MKKS: variants seen among roughly 807,000 people sequenced by gnomAD.
The protein encoded by MKKS is molecular chaperone MKKS.
A neutral mutation model predicts 33.2 loss-of-function variants in MKKS; 29 were observed. The ratio of observed to expected loss-of-function variants is 0.87; its 90% CI spans 0.65 to 1.19. MKKS has a LOEUF of 1.19. Ranked by LOEUF, MKKS falls within the 50% of genes most tolerant of loss-of-function variation. MKKS has a pLI of 0.00. For synonymous variants in MKKS, 260 were observed against 244.0 expected (o/e 1.07, Z -0.61); for missense variants, 661 against 662.3 (o/e 1.00, Z 0.02).
At chr20:10,408,922 T>C (rs935854301) in intron 3 of MKKS, 119 bp from the exon 4 acceptor site, 2 of 718,594 alleles carry the variant, frequency 2.8e-6, no homozygotes, top group African/African-American at 1.8e-5. Context: ...ATTTAAAATA[T>C]GAAATACAGG....
Position 10,424,326 on chromosome 20 carries a change from CA to C in MKKS, c.-648-3569del, listed in dbSNP as rs766630143. 2.0e-5 allele frequency among the ~76,000 whole-genome samples: 3 copies of C among 151,990 alleles called. No homozygotes were observed. In the East Asian group the frequency reaches 5.8e-4, roughly 29 times the overall value. ...ACCCCAGCACTCTAGGAGGCTCAGG[CA>C]GGGGGACTGCTTGAGCCCATGAGTT... On this transcript the variant is annotated intron_variant, in intron 1 of 5. Transcript: ENST00000347364.
intron 1 of MKKS, among the ~76,000 whole-genome samples, chr20:10,423,425 A>C (rs966612353): frequency 6.6e-6 from 1 of 152,174 alleles, no homozygotes; most frequent in East Asian, 1.9e-4. Context: ...GTTTCAAAAA[A>C]ACAAACCAAA....
intron 1 of MKKS, among the ~76,000 whole-genome samples, chr20:10,422,536 A>T (rs191408728): frequency 1.3e-3 from 197 of 152,220 alleles, no homozygotes; most frequent in Admixed American, 2.4e-3. Context: ...TACTTATAGG[A>T]GGGACAGAGG....
rs1568666301 is a variant in MKKS, at chr20:10,412,869, G to C, written c.646C>G (p.Pro216Ala). The C allele has an allele frequency of 2.5e-6, 4 of 1,614,098 alleles. No individual in the cohort carries two copies. The highest frequency in any genetic ancestry group is 3.4e-6 in the Non-Finnish European group (4 of 1,179,984). Residue 216 changes from proline (P) to alanine (A), a missense_variant, in exon 3 of 6, where the codon CCT (proline) becomes GCT (alanine). Physicochemically the swap from Pro to Ala is conservative, Grantham distance 27. Coordinates refer to ENST00000347364, the MANE Select transcript of MKKS (RefSeq NM_170784.3). ...TCTGACATTTCAATGAGTATCCCAGGTAATACAGTGGAATCTATAACTCTT... is the reference window on the plus strand; with the variant it reads ...TCTGACATTTCAATGAGTATCCCAGCTAATACAGTGGAATCTATAACTCTT... ...GQRVIDSTVL[P>A]GILIEMSEVQ...
Position 10,405,397 on chromosome 20 carries a change from C to A in MKKS, c.1563G>T (p.Val521=). 6.2e-7 allele frequency: 1 copy of A among 1,614,172 alleles called. No homozygotes were observed. Among genetic ancestry groups the A allele is most frequent in the Non-Finnish European group, 8.5e-7 (1 of 1,180,032 alleles). The stretch of plus-strand genomic sequence containing the variant: ...CTTCATGTGGAAGGCAGCTTTGTGG[C>A]ACAAATGGACGACGTGTGCTTCTTA... The part of the protein sequence containing the change: ...SFLRSTRRPF[V]PQSCLPHEAV... The change falls in exon 6 of 6, where the codon GTG becomes GTT. Residue 521 remains valine (V), a synonymous_variant. Transcript: ENST00000347364.
chr20:10,417,699 A>G (rs1212154583), intron 2 of MKKS, among the ~76,000 whole-genome samples: 1 of 152,234 alleles, frequency 6.6e-6, no homozygotes, highest in African/African-American at 2.4e-5. Flanking sequence ...ATCATCATCA[A>G]AAGTGGATCA....
rs2122236631 is a variant in MKKS, at chr20:10,413,466, G to A, written c.49C>T (p.Leu17=). The change falls in exon 3 of 6, where the codon CTG becomes TTG. Residue 17 remains leucine (L), a synonymous_variant. Coordinates refer to ENST00000347364, the MANE Select transcript of MKKS (RefSeq NM_170784.3). ...GTGGTCCTGACTCTCTCAGTTGTCAGTGGTTCACTCTTACACAATGATGGC... is the reference window on the plus strand; with the variant it reads ...GTGGTCCTGACTCTCTCAGTTGTCAATGGTTCACTCTTACACAATGATGGC... The part of the protein sequence containing the change: ...KKPSLCKSEP[L]TTERVRTTLS... The A allele has an allele frequency of 6.2e-7, 1 of 1,614,164 alleles. No homozygotes were observed. Among genetic ancestry groups the A allele is most frequent in the Middle Eastern group, 1.7e-4 (1 of 6,056 alleles).
At position 10,402,663 on chromosome 20, in the gene MKKS, G is replaced by A. The variant is rs549387349; in HGVS notation, c.*2584C>T. The A allele has an allele frequency of 6.6e-6, 1 of 152,192 alleles. No homozygotes were observed. Among genetic ancestry groups the A allele is most frequent in the Admixed American group, 6.5e-5 (1 of 15,276 alleles). The allele number at this position is 152,192 out of a possible 1,614,324, so 9.4% of individuals were successfully genotyped here. On this transcript the variant is annotated 3_prime_UTR_variant, in exon 6 of 6. Coordinates refer to ENST00000347364, the MANE Select transcript of MKKS (RefSeq NM_170784.3). ...AGGTTCGCTGTGTCACCCCTTCTTG[G>A]AGGAACTTGAAAAAATGCAGGATAA...
chr20:10,421,786 A>G (rs147511160), intron 1 of MKKS, among the ~76,000 whole-genome samples: 200 of 151,412 alleles, frequency 1.3e-3, no homozygotes, highest in African/African-American at 4.6e-3. Context: ...AAATATATAT[A>G]TATATATTTT....
rs754066841 is a variant in MKKS, at chr20:10,413,450, ACT to A, written c.63_64del (p.Arg21SerfsTer21). On this transcript the variant is annotated frameshift_variant, in exon 3 of 6. Transcript: ENST00000347364. LOFTEE classifies it high-confidence loss of function. ...TTTCAAGACAGAAAGTGTGGTCCTG[ACT>A]CTCTCAGTTGTCAGTGGTTCACTCT... is the stretch of plus-strand genomic sequence containing the variant. 8 of 1,613,678 alleles carry A rather than the reference ACT, an allele frequency of 5.0e-6. No homozygotes were observed. The East Asian group carries it at 6.7e-5, about 13-fold the overall frequency.
intron 2 of MKKS, among the ~76,000 whole-genome samples, chr20:10,417,229 G>C (rs960999794): frequency 7.5e-6 from 1 of 133,826 alleles, no homozygotes; most frequent in African/African-American, 2.9e-5. Flanking sequence ...CTGGGTGACA[G>C]AGTGAGACTC....
At chr20:10,429,376 T>C (rs1224440090) in intron 1 of MKKS, among the ~76,000 whole-genome samples, 1 of 152,202 alleles carries the variant, frequency 6.6e-6, no homozygotes, top group Non-Finnish European at 1.5e-5. Flanking sequence ...TTTGGTAGTG[T>C]TTGTTTCCTG....
chr20:10,411,853 T>C (rs1026678515), intron 3 of MKKS, among the ~76,000 whole-genome samples: 1 of 152,220 alleles, frequency 6.6e-6, no homozygotes, highest in Non-Finnish European at 1.5e-5. Context: ...ACAGTACTTA[T>C]ATCTGCTTTT....
At chr20:10,432,231 G>A (rs1165525409) in intron 1 of MKKS, among the ~76,000 whole-genome samples, 1 of 152,220 alleles carries the variant, frequency 6.6e-6, no homozygotes, top group East Asian at 1.9e-4. Flanking sequence ...GACTGGTGGA[G>A]AACATCCTTG....
intron 3 of MKKS, among the ~76,000 whole-genome samples, chr20:10,409,977 C>CAAAAA (rs58776463): frequency 9.2e-5 from 5 of 54,234 alleles, no homozygotes; most frequent in African/African-American, 2.4e-4. Context: ...GACTTTGTCT[C>CAAAAA]AAAAAAAAAA....
chr20:10,421,286 TG>T (rs758603257), intron 1 of MKKS, among the ~76,000 whole-genome samples: 1 of 149,506 alleles, frequency 6.7e-6, no homozygotes, highest in Non-Finnish European at 1.5e-5. Flanking sequence ...TAGTCGGATA[TG>T]GTGGCGCATG....
chr20:10,405,688 C>G lies in MKKS; in HGVS notation c.1273-1G>C, dbSNP rs774440705. The G allele has an allele frequency of 3.7e-6, 6 of 1,610,916 alleles. No individual in the cohort carries two copies. The highest frequency in any genetic ancestry group is 5.1e-6 in the Non-Finnish European group (6 of 1,177,252). On this transcript the variant is annotated splice_acceptor_variant, in intron 5 of 5. Coordinates refer to ENST00000347364, the MANE Select transcript of MKKS (RefSeq NM_170784.3). LOFTEE classifies it high-confidence loss of function. ...GAATGCTTTCTGGGTCGTTGTGAGT[C>G]TAAAGAGTAATAAAAACATTGAAAA...
chr20:10,426,918 A>T (rs2065017874), intron 1 of MKKS, among the ~76,000 whole-genome samples: 1 of 152,096 alleles, frequency 6.6e-6, no homozygotes, highest in Non-Finnish European at 1.5e-5. Context: ...CTCAGTATAG[A>T]ATGACAGCAA....
chr20:10,408,664 G>A lies in MKKS; in HGVS notation c.1125C>T (p.Leu375=). The change falls in exon 4 of 6, where the codon CTC becomes CTT. Residue 375 remains leucine (L), a synonymous_variant. Transcript: ENST00000347364. ...CCCAGGCAGTGTCATTTCTGTTGCAGAGAAGCAAGCTGCAGATTGTTGCTT... is the reference window on the plus strand; with the variant it reads ...CCCAGGCAGTGTCATTTCTGTTGCAAAGAAGCAAGCTGCAGATTGTTGCTT... ...PNEATICSLL[L]CNRNDTAWDE... 4 of 1,614,008 alleles carry A rather than the reference G, an allele frequency of 2.5e-6. No individual in the cohort carries two copies. Among genetic ancestry groups the A allele is most frequent in the Middle Eastern group, 1.7e-4 (1 of 6,060 alleles).
Sources: gnomAD v4.1 joint callset for allele counts (sites outside exome capture counted in the v4.1 genomes callset) on GRCh38, gnomAD v4.1.1 for gene constraint, MANE v1.5 for transcripts, NCBI Gene and HGNC (gene_info 2026-07-23, HGNC 2026-07-21) for gene names.